PLEKHH2: variants seen among roughly 807,000 people sequenced by gnomAD.
PLEKHH2 encodes the protein pleckstrin homology domain-containing family H member 2.
Under a neutral mutation model 187.9 loss-of-function variants are expected in PLEKHH2, and 129 were observed. The observed-to-expected ratio is 0.69, with a 90% CI of 0.59 to 0.79. PLEKHH2 has a LOEUF of 0.79. Among genes scored for constraint, PLEKHH2 ranks in the 30% least tolerant of loss-of-function variants. The probability of loss-of-function intolerance (pLI) is 0.00; values close to 1 mark genes in which losing one functional copy is unlikely to be tolerated. For missense variants in PLEKHH2, 2,076 were observed against 1,751.2 expected, an observed-to-expected ratio of 1.19 and a Z score of -3.31; for synonymous variants, 686 against 605.6, an observed-to-expected ratio of 1.13 and a Z score of -1.95.
intron 1 of PLEKHH2, among the ~76,000 whole-genome samples, chr2:43,643,776 T>C (rs1240502095): frequency 1.3e-5 from 2 of 152,104 alleles, no homozygotes; most frequent in Non-Finnish European, 2.9e-5. Flanking sequence ...AAAAATAGCC[T>C]GATAAAATAT....
chr2:43,717,316 G>A (rs1034522423), intron 15 of PLEKHH2, among the ~76,000 whole-genome samples: 2 of 152,146 alleles, frequency 1.3e-5, no homozygotes, highest in African/African-American at 2.4e-5. Flanking sequence ...TATTCAGGAG[G>A]CTGAGACAGG....
intron 28 of PLEKHH2, among the ~76,000 whole-genome samples, chr2:43,763,748 A>T (rs1467878549): frequency 6.6e-6 from 1 of 152,126 alleles, no homozygotes; most frequent in African/African-American, 2.4e-5. Context: ...TATTTGCTGC[A>T]TATGTGACAA....
At chr2:43,686,087 C>G (rs1439096383) in intron 3 of PLEKHH2, among the ~76,000 whole-genome samples, 1 of 152,160 alleles carries the variant, frequency 6.6e-6, no homozygotes. Flanking sequence ...CTAATCTTCC[C>G]TTTCTGTAAA....
intron 1 of PLEKHH2, among the ~76,000 whole-genome samples, chr2:43,641,283 A>G (rs1315522264): frequency 1.3e-5 from 2 of 152,074 alleles, no homozygotes; most frequent in Non-Finnish European, 2.9e-5. Context: ...AGTCCAATTT[A>G]TCTATTTTTT....
chr2:43,704,662 T>TAAAAAAAAAAAAAAAAAAAA (rs70965318), intron 9 of PLEKHH2, among the ~76,000 whole-genome samples: 1 of 84,292 alleles, frequency 1.2e-5, no homozygotes, highest in African/African-American at 4.6e-5. Context: ...GATTCTGTCT[T>TAAAAAAAAAAAAAAAAAAAA]AAAAAAAAAA....
In PLEKHH2 at chr2:43,751,926, C is replaced by CTTTTTTTTT. The variant is rs1191371733; in HGVS notation, c.3654-1686_3654-1678dup. Among the ~76,000 whole-genome samples, 568 of 139,744 alleles carry CTTTTTTTTT rather than the reference C, an allele frequency of 4.1e-3. 10 individuals carry two copies. The highest frequency in any genetic ancestry group is 0.014 in the African/African-American group (540 of 37,502). The allele number at this position is 139,744 out of a possible 152,430, so 91.7% of individuals were successfully genotyped here. The stretch of plus-strand genomic sequence containing the variant: ...TCCAGTATTGTTTCTCTCTCTCTCT[C>CTTTTTTTTT]TTTTTTTTTTTTTTTGCTAGTGATA... On this transcript the variant is annotated intron_variant, in intron 24 of 29. Transcript: ENST00000282406.
rs143897582 is a variant in PLEKHH2, at chr2:43,705,055, C to A, written c.1726+999C>A. 5.1e-3 allele frequency among the ~76,000 whole-genome samples: 774 copies of A among 152,018 alleles called. 13 individuals carry two copies. The highest frequency in any genetic ancestry group is 0.018 in the African/African-American group (732 of 41,474). On this transcript the variant is annotated intron_variant, in intron 9 of 29. Transcript: ENST00000282406. Reference sequence around the variant, plus strand: ...CTTTCTTTATTTCTTCCAAAAAATTCTTATGGAAACAATGCATGCTCATTA... The same window carrying A: ...CTTTCTTTATTTCTTCCAAAAAATTATTATGGAAACAATGCATGCTCATTA...
At chr2:43,703,934 TTTTTTTTGC>T in intron 8 of PLEKHH2, 38 bp from the exon 9 acceptor site, 1 of 636,784 alleles carries the variant, frequency 1.6e-6, no homozygotes, top group Non-Finnish European at 2.5e-6. Context: ...TTTTTTTTTT[TTTTTTTTGC>T]TTTAAATACC....
intron 1 of PLEKHH2, among the ~76,000 whole-genome samples, chr2:43,644,399 T>A (rs1003475207): frequency 1.3e-5 from 2 of 152,084 alleles, no homozygotes; most frequent in Non-Finnish European, 2.9e-5. Context: ...TGCCCCCTTT[T>A]CTGGATTGGC....
intron 24 of PLEKHH2, among the ~76,000 whole-genome samples, chr2:43,748,178 C>T (rs1671855632): frequency 6.6e-6 from 1 of 152,180 alleles, no homozygotes; most frequent in Non-Finnish European, 1.5e-5. Context: ...AACACTGGAG[C>T]TTCTTTATTC....
In PLEKHH2 at chr2:43,675,502, G is replaced by A. The variant is rs867529060; in HGVS notation, c.124-3361G>A. 12 of 1,614,030 alleles carry A rather than the reference G, an allele frequency of 7.4e-6. No homozygotes were observed. The South Asian group carries it at 7.7e-5, about 10-fold the overall frequency. ...CTTTTGGGGGGTCAGTCCATTGAAA[G>A]TAATAGCCATATCTGAACAGCAGCC... is the stretch of plus-strand genomic sequence containing the variant. On this transcript the variant is annotated intron_variant, in intron 2 of 29. Transcript: ENST00000282406.
chr2:43,674,903 T>G (rs894454048), intron 2 of PLEKHH2, among the ~76,000 whole-genome samples: 3 of 151,770 alleles, frequency 2.0e-5, no homozygotes, highest in Non-Finnish European at 4.4e-5. Context: ...GAGAATCACT[T>G]GAACCCGGGA....
intron 2 of PLEKHH2, among the ~76,000 whole-genome samples, chr2:43,649,773 T>A (rs145926512): frequency 1.3e-5 from 2 of 152,320 alleles, no homozygotes; most frequent in African/African-American, 4.8e-5. Context: ...GGTGGTAGAA[T>A]CTTTCATGGG....
At position 43,700,394 on chromosome 2, in the gene PLEKHH2, TACG is replaced by T. The variant is rs780624650; in HGVS notation, c.1439_1441del (p.Arg480del). 30 of 1,613,870 alleles carry T rather than the reference TACG, an allele frequency of 1.9e-5. No individual in the cohort carries two copies. The highest frequency in any genetic ancestry group is 1.4e-5 in the Non-Finnish European group (16 of 1,180,006). On this transcript the variant is annotated inframe_deletion, in exon 8 of 30. Coordinates refer to ENST00000282406, the MANE Select transcript of PLEKHH2 (RefSeq NM_172069.4). ...ACAAATAGAAACGCTATAAGCATGA[TACG>T]ACCACTGAGACCTCAGGAAACTGAT...
In PLEKHH2 at chr2:43,706,291, T is replaced by A. The variant is rs758133084; in HGVS notation, c.1727-31T>A. The stretch of plus-strand genomic sequence containing the variant: ...ACCAATGTGCTAATTAGAAGTTTTT[T>A]AAAATGTTGTTTCCTGTTTTTCTGT... On this transcript the variant is annotated intron_variant, in intron 9 of 29. Transcript: ENST00000282406. 4.0e-6 allele frequency: 6 copies of A among 1,495,224 alleles called. No homozygotes were observed. The African/African-American group carries it at 6.9e-5, about 17-fold the overall frequency. The allele number at this position is 1,495,224 out of a possible 1,614,324, so 92.6% of individuals were successfully genotyped here. A position where few individuals can be genotyped will look rare whatever the true frequency, so the allele number is the denominator to read the frequency against.
chr2:43,656,342 C>G (rs1459521804), intron 2 of PLEKHH2, among the ~76,000 whole-genome samples: 2 of 152,092 alleles, frequency 1.3e-5, no homozygotes, highest in African/African-American at 4.8e-5. Context: ...TATGTTTATA[C>G]AGTTTGTGGA....
At position 43,764,242 on chromosome 2, in the gene PLEKHH2, C is replaced by G; in HGVS notation, c.4173C>G (p.Ser1391Arg). 2 of 1,512,992 alleles carry G rather than the reference C, an allele frequency of 1.3e-6. No individual in the cohort carries two copies. Among genetic ancestry groups the G allele is most frequent in the Non-Finnish European group, 1.8e-6 (2 of 1,127,644 alleles). The allele number at this position is 1,512,992 out of a possible 1,614,324, so 93.7% of individuals were successfully genotyped here. ...LEYNSMRLIVSYVYKSLMTFG... is the reference protein window; with the variant it reads ...LEYNSMRLIVRYVYKSLMTFG... Reference sequence around the variant, plus strand: ...TATCTTTAAAGAGGTTAATAGTCAGCTATGTGTACAAGAGTCTAATGACCT... The same window carrying G: ...TATCTTTAAAGAGGTTAATAGTCAGGTATGTGTACAAGAGTCTAATGACCT... The change falls in exon 29 of 30, where the codon AGC becomes AGG. Residue 1391 changes from serine (S) to arginine (R), a missense_variant. By Grantham distance (110) the Ser-to-Arg change is moderately radical. Coordinates refer to ENST00000282406, the MANE Select transcript of PLEKHH2 (RefSeq NM_172069.4).
chr2:43,695,336 C>T, intron 6 of PLEKHH2, 112 bp downstream of exon 6: 5 of 516,470 alleles, frequency 9.7e-6, no homozygotes, highest in Non-Finnish European at 1.6e-5. Flanking sequence ...AAGCTGTTGC[C>T]ATAAAATGAA....
At chr2:43,695,537 C>A (rs4952997) in intron 6 of PLEKHH2, among the ~76,000 whole-genome samples, 1 of 152,002 alleles carries the variant, frequency 6.6e-6, no homozygotes, top group Non-Finnish European at 1.5e-5. Context: ...TTTTTAGAAC[C>A]AAACTAAGTT....
Sources: allele counts gnomAD v4.1 joint callset (sites outside exome capture counted in the v4.1 genomes callset), GRCh38; gene constraint gnomAD v4.1.1; transcripts MANE v1.5; gene names NCBI Gene and HGNC (gene_info 2026-07-23, HGNC 2026-07-21).